Variants in POLG observed in about 807,000 individuals in gnomAD.
The protein encoded by POLG is DNA polymerase subunit gamma-1.
In POLG, 110 loss-of-function variants were observed where a neutral mutation model predicts 155.4. The ratio of observed to expected loss-of-function variants is 0.71; its 90% CI spans 0.61 to 0.83. POLG has a LOEUF of 0.83. Among genes scored for constraint, POLG ranks in the 40% least tolerant of loss-of-function variants. The pLI, the probability that POLG is intolerant of heterozygous loss-of-function variation, is 0.00. For synonymous variants in POLG, 701 were observed against 631.5 expected (o/e 1.11, Z -1.65); for missense variants, 1,685 against 1,627.5 (o/e 1.04, Z -0.61).
chr15:89,327,077 C>T lies in POLG; in HGVS notation c.1434-14G>A. On this transcript the variant is annotated splice_polypyrimidine_tract_variant and intron_variant, in intron 7 of 22. Coordinates refer to ENST00000268124, the MANE Select transcript of POLG (RefSeq NM_002693.3). ...TCTTCTTTGTACCTACAGAGCCAGTCCACTAGGGCAGGGCTAAGGCTAAGC... is the reference window on the plus strand; with the variant it reads ...TCTTCTTTGTACCTACAGAGCCAGTTCACTAGGGCAGGGCTAAGGCTAAGC... 1 of 1,614,092 alleles carries T rather than the reference C, an allele frequency of 6.2e-7. No individual in the cohort carries two copies. The highest frequency in any genetic ancestry group is 2.2e-5 in the East Asian group (1 of 44,896).
chr15:89,319,016 C>T lies in POLG; in HGVS notation c.3188G>A (p.Ser1063Asn), dbSNP rs753828043. ...TESEMFNKLE[S>N]IATSDIPRTP... ...ACGTGGTATGTCAGACGTAGCAATG[C>T]TCTCAAGCTTATTGAACATTTCTGA... The change falls in exon 20 of 23, where the codon AGC becomes AAC. Residue 1063 changes from serine (S) to asparagine (N), a missense_variant. Transcript: ENST00000268124. 27 of 1,614,014 alleles carry T rather than the reference C, an allele frequency of 1.7e-5. No individual in the cohort carries two copies. Among genetic ancestry groups the T allele is most frequent in the Non-Finnish European group, 2.1e-5 (25 of 1,179,996 alleles).
At chr15:89,329,147 G>A (rs748692230) in intron 3 of POLG, 37 bp from the exon 4 acceptor site, 1 of 1,575,754 alleles carries the variant, frequency 6.3e-7, no homozygotes, top group Non-Finnish European at 8.6e-7. Context: ...GGGAAGGAGG[G>A]AGGCTGCAAC....
Position 89,319,027 on chromosome 15 carries a change from A to G in POLG, c.3177T>C (p.Asn1059=). ...CAGACGTAGCAATGCTCTCAAGCTTATTGAACATTTCTGACTCTGTGCCCC... is the reference window on the plus strand; with the variant it reads ...CAGACGTAGCAATGCTCTCAAGCTTGTTGAACATTTCTGACTCTGTGCCCC... The part of the protein sequence containing the change: ...WKGGTESEMF[N]KLESIATSDI... Residue 1059 remains asparagine, a synonymous_variant, in exon 20 of 23, where the codon AAT becomes AAC. Transcript: ENST00000268124. The G allele has an allele frequency of 6.2e-7, 1 of 1,614,122 alleles. No homozygotes were observed.
chr15:89,333,656 G>C lies in POLG; in HGVS notation c.99C>G (p.Ser33=), dbSNP rs1365306907. The change falls in exon 2 of 23, where the codon TCC becomes TCG. Residue 33 remains serine (S), a synonymous_variant. Coordinates refer to ENST00000268124, the MANE Select transcript of POLG (RefSeq NM_002693.3). ...GRWVSSSVPA[S]DPSDGQRRRQ... ...GCCGCCGCTGCCCGTCGCTGGGGTC[G>C]GACGCGGGGACGGAGCTGGAGACCC... 2 of 1,569,480 alleles carry C rather than the reference G, an allele frequency of 1.3e-6. No individual in the cohort carries two copies. Among genetic ancestry groups the C allele is most frequent in the Non-Finnish European group, 1.7e-6 (2 of 1,162,490 alleles).
At position 89,327,266 on chromosome 15, in the gene POLG, A is replaced by T; in HGVS notation, c.1334T>A (p.Leu445Gln). The T allele has an allele frequency of 6.2e-7, 1 of 1,614,186 alleles. No individual in the cohort carries two copies. Among genetic ancestry groups the T allele is most frequent in the Non-Finnish European group, 8.5e-7 (1 of 1,180,014 alleles). Reference protein sequence around the residue: ...LPVNQNWERYLAEAQGTYEEL... With the variant: ...LPVNQNWERYQAEAQGTYEEL... ...CTCATAAGTGCCCTGTGCCTCTGCC[A>T]GGTAACGCTCCCAGTTCTGGTTGAC... Residue 445 changes from leucine to glutamine, a missense_variant, in exon 7 of 23, where the codon CTG becomes CAG. Leu to Gln is a moderately radical substitution (Grantham distance 113, BLOSUM62 -2). Coordinates refer to ENST00000268124, the MANE Select transcript of POLG (RefSeq NM_002693.3).
chr15:89,326,385 C>T (rs1425374735), intron 9 of POLG, among the ~76,000 whole-genome samples: 1 of 152,188 alleles, frequency 6.6e-6, no homozygotes, highest in East Asian at 1.9e-4. Context: ...GTGGCTGCCA[C>T]GGGCCATTGC....
At chr15:89,319,660 G>A (rs902893070) in intron 18 of POLG, among the ~76,000 whole-genome samples, 1 of 152,170 alleles carries the variant, frequency 6.6e-6, no homozygotes. Flanking sequence ...TGTTTCTTTA[G>A]ACACTGAATT....
rs1019837807 is a variant in POLG at position 89,322,622 on chromosome 15, G to A, written c.2426+120C>T. On this transcript the variant is annotated intron_variant, in intron 14 of 22. Transcript: ENST00000268124. Reference sequence around the variant, plus strand: ...AAGGTCCATGGCACCAGGACCAAAAGTAGCCAGGCCTCTAGACCATAGTCA... The same window carrying A: ...AAGGTCCATGGCACCAGGACCAAAAATAGCCAGGCCTCTAGACCATAGTCA... The A allele has an allele frequency of 3.9e-5, 43 of 1,090,276 alleles. No homozygotes were observed. In the Admixed American group the frequency reaches 5.4e-4, roughly 14 times the overall value. The allele number at this position is 1,090,276 out of a possible 1,614,324, so 67.5% of individuals were successfully genotyped here.
rs989119619 is a variant in POLG at position 89,323,801 on chromosome 15, G to A, written c.2157+14C>T. Reference sequence around the variant, plus strand: ...AGCACCCACCTAGAGAACCCAAGCCGGCGCACTGCTCACCAGAGCTAGGGG... The same window carrying A: ...AGCACCCACCTAGAGAACCCAAGCCAGCGCACTGCTCACCAGAGCTAGGGG... On this transcript the variant is annotated intron_variant, in intron 12 of 22. Coordinates refer to ENST00000268124, the MANE Select transcript of POLG (RefSeq NM_002693.3). 22 of 1,607,656 alleles carry A rather than the reference G, an allele frequency of 1.4e-5. No individual in the cohort carries two copies. The Admixed American group carries it at 1.5e-4, about 11-fold the overall frequency.
chr15:89,316,979 C>T (rs2055289208), intron 22 of POLG, 152 bp from the exon 23 acceptor site: 1 of 678,852 alleles, frequency 1.5e-6, no homozygotes. Flanking sequence ...TTAGGAGGGT[C>T]TGTTTTCTTT....
At chr15:89,317,705 C>G in intron 21 of POLG, 169 bp from the exon 22 acceptor site, 1 of 687,668 alleles carries the variant, frequency 1.5e-6, no homozygotes, top group Non-Finnish European at 2.6e-6. Flanking sequence ...TGTTTTCCAT[C>G]CAGCAGCCTA....
intron 22 of POLG, 120 bp from the exon 23 acceptor site, chr15:89,316,947 C>T (rs1001361742): frequency 5.2e-6 from 4 of 768,608 alleles, no homozygotes; most frequent in African/African-American, 3.4e-5. Context: ...AGAACAATTG[C>T]CACGAACGGT....
intron 21 of POLG, chr15:89,317,813 T>G (rs1289077691): frequency 5.6e-5 from 26 of 465,356 alleles, no homozygotes; most frequent in Non-Finnish European, 9.5e-5. Context: ...ACGAAATCAC[T>G]TCCAATTGGG....
rs1253517114 is a variant in POLG at position 89,326,918 on chromosome 15, GATCC to G, written c.1575_1578del (p.Met525IlefsTer27). On this transcript the variant is annotated frameshift_variant, in exon 8 of 23. Coordinates refer to ENST00000268124, the MANE Select transcript of POLG (RefSeq NM_002693.3). LOFTEE classifies it high-confidence loss of function. Reference sequence around the variant, plus strand: ...TCCCACCCATGCTCCCCACCTTCCTGATCCATGGGATCACCAGGGGCCCCAGCCC... The same window carrying G: ...TCCCACCCATGCTCCCCACCTTCCTGATGGGATCACCAGGGGCCCCAGCCC... The G allele has an allele frequency of 1.2e-6, 2 of 1,613,894 alleles. No individual in the cohort carries two copies. The highest frequency in any genetic ancestry group is 2.7e-5 in the African/African-American group (2 of 74,904).
At chr15:89,325,069 T>TGAGTGAGAGAGTGAGTGAGA (rs2055460757) in intron 10 of POLG, among the ~76,000 whole-genome samples, 1 of 86,732 alleles carries the variant, frequency 1.2e-5, no homozygotes, top group Non-Finnish European at 2.2e-5. Context: ...AGTGAGTGAG[T>TGAGTGAGAGAGTGAGTGAGA]GAGTGAGTGA....
Position 89,317,497 on chromosome 15 carries a change from G to A in POLG, c.3522C>T (p.Pro1174=), listed in dbSNP as rs751676137. 3 of 1,614,076 alleles carry A rather than the reference G, an allele frequency of 1.9e-6. No homozygotes were observed. The East Asian group carries it at 6.7e-5, about 36-fold the overall frequency. The change falls in exon 22 of 23, where the codon CCC becomes CCT. Residue 1174 remains proline, a synonymous_variant. Coordinates refer to ENST00000268124, the MANE Select transcript of POLG (RefSeq NM_002693.3). ...CTGCACTGAAAAAGGCGACTGACTG[G>A]GGCAAGTCATTCAGACCCAGCTTGT... ...FAYKLGLNDL[P]QSVAFFSAVD...
chr15:89,331,040 A>G (rs2055587539), intron 2 of POLG, among the ~76,000 whole-genome samples: 1 of 152,222 alleles, frequency 6.6e-6, no homozygotes, highest in South Asian at 2.1e-4. Context: ...GTTGCAAGCC[A>G]CAGATTATTC....
intron 6 of POLG, 104 bp downstream of exon 6, chr15:89,328,352 T>C: frequency 1.1e-6 from 1 of 870,198 alleles, no homozygotes; most frequent in East Asian, 2.6e-5. Context: ...CTAGAAAAGC[T>C]AAGGTCCCCA....
intron 18 of POLG, among the ~76,000 whole-genome samples, chr15:89,319,723 C>G (rs2055366345): frequency 6.6e-6 from 1 of 152,170 alleles, no homozygotes; most frequent in Non-Finnish European, 1.5e-5. Flanking sequence ...GGCCATCACT[C>G]TAGATTTGGG....
Sources: gnomAD v4.1 joint callset for allele counts (sites outside exome capture counted in the v4.1 genomes callset) on GRCh38, gnomAD v4.1.1 for gene constraint, MANE v1.5 for transcripts, NCBI Gene and HGNC (gene_info 2026-07-23, HGNC 2026-07-21) for gene names.